Variants in BLVRB observed in about 807,000 individuals in gnomAD.
The protein encoded by BLVRB is flavin reductase (NADPH).
Under a neutral mutation model 21.1 loss-of-function variants are expected in BLVRB, and 25 were observed. The ratio of observed to expected loss-of-function variants is 1.19; its 90% CI spans 0.86 to 1.66. The LOEUF (loss-of-function observed/expected upper bound fraction) is 1.66, where lower values mean the gene tolerates loss of function less well. Among genes scored for constraint, BLVRB ranks in the 40% most tolerant of loss-of-function variants. The probability of loss-of-function intolerance (pLI) is 0.00; values close to 1 mark genes in which losing one functional copy is unlikely to be tolerated. For missense variants in BLVRB, 274 were observed against 282.7 expected (o/e 0.97, Z 0.22); for synonymous variants, 128 against 122.2 (o/e 1.05, Z -0.31).
At chr19:40,448,608 A>AATATATATATATATATATATATATATAT (rs55783717) in intron 4 of BLVRB, among the ~76,000 whole-genome samples, 5 of 126,364 alleles carry the variant, frequency 4.0e-5, no homozygotes, top group Non-Finnish European at 6.7e-5. Context: ...AACAACAACA[A>AATATATATATATATATATATATATATAT]ATATATATAT....
At chr19:40,456,948 AC>A (rs910509084) in intron 3 of BLVRB, among the ~76,000 whole-genome samples, 3 of 151,986 alleles carry the variant, frequency 2.0e-5, no homozygotes, top group Non-Finnish European at 2.9e-5. Flanking sequence ...GGAGAAAAAA[AC>A]AAAACTAAAA....
intron 1 of BLVRB, among the ~76,000 whole-genome samples, chr19:40,465,333 G>A (rs975350813): frequency 2.6e-5 from 4 of 152,206 alleles, no homozygotes; most frequent in African/African-American, 7.2e-5. Flanking sequence ...AATGACAACC[G>A]CATTGCATAA....
intron 1 of BLVRB, among the ~76,000 whole-genome samples, chr19:40,459,390 A>G (rs2079777039): frequency 6.7e-6 from 1 of 149,490 alleles, no homozygotes; most frequent in Admixed American, 6.7e-5. Context: ...TAATTCATAA[A>G]TAATCTGAAC....
chr19:40,452,204 G>A (rs1002198620), intron 3 of BLVRB, among the ~76,000 whole-genome samples: 2 of 152,124 alleles, frequency 1.3e-5, no homozygotes, highest in Non-Finnish European at 2.9e-5. Context: ...GCCCTCTGAC[G>A]TCCTTGCCTA....
rs140190017 is a variant in BLVRB at position 40,451,405 on chromosome 19, T to G, written c.422A>C (p.Glu141Ala). Reference sequence around the variant, plus strand: ...CACAGCCACGTACTTCAGGCCTGATTCCCGCAGCACCTTGTGCATCCGGAT... The same window carrying G: ...CACAGCCACGTACTTCAGGCCTGATGCCCGCAGCACCTTGTGCATCCGGAT... ...DHIRMHKVLR[E>A]SGLKYVAVMP... The change falls in exon 4 of 5, where the codon GAA becomes GCA. Residue 141 changes from glutamate to alanine, a missense_variant. Coordinates refer to ENST00000263368, the MANE Select transcript of BLVRB (RefSeq NM_000713.3). 4.9e-4 allele frequency: 793 copies of G among 1,611,524 alleles called. 1 individual carries two copies. The highest frequency in any genetic ancestry group is 6.1e-4 in the Non-Finnish European group (720 of 1,179,088).
chr19:40,459,540 C>T (rs765672391), intron 1 of BLVRB, among the ~76,000 whole-genome samples: 4 of 151,574 alleles, frequency 2.6e-5, no homozygotes, highest in East Asian at 2.0e-4. Context: ...CTCCGCCTCC[C>T]GGGTTCAGGC....
At position 40,460,169 on chromosome 19, in the gene BLVRB, G is replaced by A. The variant is rs1194122722; in HGVS notation, c.80-1624C>T. ...CACACACATACACACACATTTTAAA[G>A]TTCACAACTAACATATTTCTTCCTT... On this transcript the variant is annotated intron_variant, in intron 1 of 4. Coordinates refer to ENST00000263368, the MANE Select transcript of BLVRB (RefSeq NM_000713.3). Among the ~76,000 whole-genome samples, 3 of 150,624 alleles carry A rather than the reference G, an allele frequency of 2.0e-5. No individual in the cohort carries two copies. The Admixed American group carries it at 2.0e-4, about 10-fold the overall frequency.
chr19:40,447,886 G>T lies in BLVRB; in HGVS notation c.*3C>A. 6.2e-7 allele frequency: 1 copy of T among 1,613,332 alleles called. No homozygotes were observed. The highest frequency in any genetic ancestry group is 8.5e-7 in the Non-Finnish European group (1 of 1,179,416). On this transcript the variant is annotated 3_prime_UTR_variant, in exon 5 of 5. Coordinates refer to ENST00000263368, the MANE Select transcript of BLVRB (RefSeq NM_000713.3). ...TGCCACCCTCCCAGATGGGGACAGAGTGCTACTGGTACTGGTGGGAGGGGT... is the reference window on the plus strand; with the variant it reads ...TGCCACCCTCCCAGATGGGGACAGATTGCTACTGGTACTGGTGGGAGGGGT...
rs370052045 is a variant in BLVRB, at chr19:40,458,284, G to A, written c.245-40C>T. 111 of 1,563,564 alleles carry A rather than the reference G, an allele frequency of 7.1e-5. No individual in the cohort carries two copies. In the African/African-American group the frequency reaches 8.3e-4, roughly 12 times the overall value. On this transcript the variant is annotated intron_variant, in intron 2 of 4. Transcript: ENST00000263368. ...AGAGTGGCTGTCACTGGTGGGCGGC[G>A]GCGGCGGCAGGGGTGGCAGGGGCGG...
chr19:40,456,439 T>A (rs4803339), intron 3 of BLVRB, among the ~76,000 whole-genome samples: 1 of 149,896 alleles, frequency 6.7e-6, no homozygotes. Context: ...TGTTTTTTTT[T>A]TAATGAAAAA....
At chr19:40,457,164 CAAAAA>C (rs34827058) in intron 3 of BLVRB, among the ~76,000 whole-genome samples, 4 of 90,200 alleles carry the variant, frequency 4.4e-5, no homozygotes, top group African/African-American at 1.7e-4. Context: ...CAGAAAGTCT[CAAAAA>C]AAAAAAAAAA....
chr19:40,458,116 C>T (rs1463102241), intron 3 of BLVRB, 39 bp downstream of exon 3: 2 of 1,595,076 alleles, frequency 1.3e-6, no homozygotes, highest in Non-Finnish European at 1.7e-6. Context: ...TCCCCAGTAC[C>T]CCCCAGTTCA....
intron 1 of BLVRB, among the ~76,000 whole-genome samples, chr19:40,459,327 CAAAAAAAAAAAAAAAA>C (rs751696189): frequency 0.02 from 694 of 34,386 alleles, 9 homozygotes; most frequent in African/African-American, 0.055. Flanking sequence ...GACTCTATCT[CAAAAAAAAAAAAAAAA>C]AAAAAAAAAA....
intron 3 of BLVRB, among the ~76,000 whole-genome samples, chr19:40,456,444 G>GA (rs1013180576): frequency 1.5e-3 from 203 of 138,070 alleles, no homozygotes; most frequent in African/African-American, 2.1e-3. Flanking sequence ...TTTTTTTAAT[G>GA]AAAAAAAAAA....
chr19:40,454,430 G>A (rs2079753622), intron 3 of BLVRB, among the ~76,000 whole-genome samples: 1 of 151,834 alleles, frequency 6.6e-6, no homozygotes, highest in South Asian at 2.1e-4. Context: ...GCCTGGTCTA[G>A]GATTTCCTCT....
At chr19:40,456,370 C>G (rs776337810) in intron 3 of BLVRB, among the ~76,000 whole-genome samples, 1 of 150,828 alleles carries the variant, frequency 6.6e-6, no homozygotes, top group East Asian at 2.0e-4. Flanking sequence ...GTACAATGAG[C>G]TATGATCAGG....
intron 4 of BLVRB, among the ~76,000 whole-genome samples, chr19:40,448,357 G>A (rs1035605377): frequency 2.6e-5 from 4 of 151,350 alleles, no homozygotes; most frequent in African/African-American, 7.3e-5. Context: ...TTGGGAGGCT[G>A]AGACAGGAGT....
intron 4 of BLVRB, 71 bp from the exon 5 acceptor site, chr19:40,448,117 A>T: frequency 6.5e-7 from 1 of 1,530,618 alleles, no homozygotes; most frequent in Non-Finnish European, 8.9e-7. Context: ...CGACCCCCAG[A>T]AAGACCTTCC....
chr19:40,458,377 G>A lies in BLVRB; in HGVS notation c.244+4C>T, dbSNP rs376568747. On this transcript the variant is annotated splice_donor_region_variant and intron_variant, in intron 2 of 4. Transcript: ENST00000263368. ...GGGCCGTGGGCAGAGGGGGGGCTCA[G>A]TACTGAGGTCATTGCGGGTGCCCAG... 1.3e-4 allele frequency: 210 copies of A among 1,580,898 alleles called. No individual in the cohort carries two copies. In the African/African-American group the frequency reaches 2.5e-3, roughly 19 times the overall value.
Sources: gnomAD v4.1 joint callset for allele counts (sites outside exome capture counted in the v4.1 genomes callset) on GRCh38, gnomAD v4.1.1 for gene constraint, MANE v1.5 for transcripts, NCBI Gene and HGNC (gene_info 2026-07-23, HGNC 2026-07-21) for gene names.